Variants in SAMD5 observed in about 807,000 individuals in gnomAD.
The protein encoded by SAMD5 is sterile alpha motif domain-containing protein 5.
SAMD5 carries 13 observed loss-of-function variants against 11.3 expected under a neutral mutation model. The ratio of observed to expected loss-of-function variants is 1.15; its 90% CI spans 0.75 to 1.83. SAMD5 has a LOEUF of 1.83. Ranked by LOEUF, SAMD5 falls within the 40% of genes most tolerant of loss-of-function variation. SAMD5 has a pLI of 0.00. For synonymous variants in SAMD5, 129 were observed against 111.3 expected (o/e 1.16, Z -1.00); for missense variants, 255 against 239.1 (o/e 1.07, Z -0.44).
At chr6:147,940,202 ATTTTT>A in the SAMD5 span, among the ~76,000 whole-genome samples, 1 of 133,162 alleles carries the variant, frequency 7.5e-6, no homozygotes, top group Non-Finnish European at 1.6e-5. Context: ...GGCAGAATTC[ATTTTT>A]TTTTTTTTTT....
At chr6:147,769,931 C>T in the SAMD5 span, among the ~76,000 whole-genome samples, 1 of 152,172 alleles carries the variant, frequency 6.6e-6, no homozygotes, top group Non-Finnish European at 1.5e-5. Context: ...TCCAGTGGCG[C>T]TTGAGGAACA....
intron 1 of SAMD5, among the ~76,000 whole-genome samples, chr6:147,530,471 A>AGGGAAGCAGCC (rs1176851931): frequency 3.3e-5 from 5 of 152,248 alleles, no homozygotes; most frequent in South Asian, 2.1e-4. Flanking sequence ...AGGAGCACAA[A>AGGGAAGCAGCC]GGGAAGCAGC....
At chr6:147,817,585 G>A in the SAMD5 span, among the ~76,000 whole-genome samples, 10 of 152,204 alleles carry the variant, frequency 6.6e-5, no homozygotes, top group African/African-American at 1.9e-4. Flanking sequence ...AAAGACAGAC[G>A]CTTCGCTTTA....
chr6:147,705,615 T>C (rs1285535967), intron 1 of SAMD5, among the ~76,000 whole-genome samples: 1 of 152,200 alleles, frequency 6.6e-6, no homozygotes, highest in Non-Finnish European at 1.5e-5. Context: ...GCATTCCAAA[T>C]AGAAAACATG....
chr6:147,838,161 T>G, the SAMD5 span, among the ~76,000 whole-genome samples: 1 of 152,060 alleles, frequency 6.6e-6, no homozygotes, highest in African/African-American at 2.4e-5. Context: ...GAAATTTGAG[T>G]GACTAGAAGC....
chr6:147,893,297 A>G, the SAMD5 span, among the ~76,000 whole-genome samples: 1 of 152,078 alleles, frequency 6.6e-6, no homozygotes, highest in Non-Finnish European at 1.5e-5. Context: ...CATTTTACCT[A>G]TGAGGAAATG....
chr6:147,776,025 T>C, the SAMD5 span, among the ~76,000 whole-genome samples: 1 of 152,146 alleles, frequency 6.6e-6, no homozygotes, highest in Non-Finnish European at 1.5e-5. Context: ...GGAAACCGAG[T>C]AGTAGCAGCA....
intron 1 of SAMD5, among the ~76,000 whole-genome samples, chr6:147,605,495 C>T (rs949579565): frequency 3.3e-5 from 5 of 152,088 alleles, no homozygotes; most frequent in African/African-American, 1.2e-4. Flanking sequence ...TTGCAGTCTT[C>T]AACCTATTCT....
intron 1 of SAMD5, among the ~76,000 whole-genome samples, chr6:147,596,415 C>G (rs998668891): frequency 3.9e-5 from 6 of 152,156 alleles, no homozygotes; most frequent in Non-Finnish European, 5.9e-5. Context: ...ATTTATTAGA[C>G]CTATTAGTCT....
the SAMD5 span, among the ~76,000 whole-genome samples, chr6:147,921,273 A>AC: frequency 7.5e-6 from 1 of 133,204 alleles, no homozygotes; most frequent in African/African-American, 3.1e-5. Flanking sequence ...AGAGAGTATA[A>AC]AACACACACA....
the SAMD5 span, among the ~76,000 whole-genome samples, chr6:147,929,636 G>A: frequency 3.3e-5 from 5 of 152,298 alleles, no homozygotes; most frequent in East Asian, 7.7e-4. Context: ...AATTATGTCA[G>A]ATGGTCACAC....
At chr6:147,640,541 T>G (rs967477972) in intron 1 of SAMD5, among the ~76,000 whole-genome samples, 1 of 119,812 alleles carries the variant, frequency 8.3e-6, no homozygotes, top group Non-Finnish European at 1.9e-5. Context: ...GACATAAAAT[T>G]AAGCAGAAGT....
chr6:147,625,992 A>G (rs2128450777), intron 1 of SAMD5, among the ~76,000 whole-genome samples: 2 of 152,200 alleles, frequency 1.3e-5, no homozygotes, highest in African/African-American at 2.4e-5. Flanking sequence ...TAGCCATGCA[A>G]TGTAGTTCTG....
At chr6:147,794,866 C>A in the SAMD5 span, among the ~76,000 whole-genome samples, 1 of 151,904 alleles carries the variant, frequency 6.6e-6, no homozygotes, top group Non-Finnish European at 1.5e-5. Context: ...ATACTAATAC[C>A]GAAAGCTTTG....
intron 1 of SAMD5, among the ~76,000 whole-genome samples, chr6:147,523,489 A>G (rs1343272320): frequency 6.6e-6 from 1 of 152,200 alleles, no homozygotes; most frequent in African/African-American, 2.4e-5. Context: ...CAAGGTAACC[A>G]TCAATCATGC....
At chr6:147,821,807 T>G in the SAMD5 span, among the ~76,000 whole-genome samples, 1 of 152,198 alleles carries the variant, frequency 6.6e-6, no homozygotes, top group Non-Finnish European at 1.5e-5. Flanking sequence ...TCTGACTTTT[T>G]CATACCACAT....
chr6:147,874,965 A>C, the SAMD5 span, among the ~76,000 whole-genome samples: 15 of 152,180 alleles, frequency 9.9e-5, no homozygotes, highest in African/African-American at 3.6e-4. Flanking sequence ...AAAATGCCCA[A>C]ATGGTAAGAG....
downstream of SAMD5, among the ~76,000 whole-genome samples, chr6:147,737,864 A>T (rs1456810413): frequency 6.6e-6 from 1 of 152,026 alleles, no homozygotes; most frequent in African/African-American, 2.4e-5. Context: ...AAGCCAGGAC[A>T]TCGGTTATTT....
the SAMD5 span, among the ~76,000 whole-genome samples, chr6:147,795,833 T>A: frequency 1.3e-5 from 2 of 152,060 alleles, no homozygotes; most frequent in Non-Finnish European, 2.9e-5. Flanking sequence ...TGAGCATTTT[T>A]TCATGTGTTT....
Sources: allele counts gnomAD v4.1 joint callset (sites outside exome capture counted in the v4.1 genomes callset), GRCh38; gene constraint gnomAD v4.1.1; transcripts MANE v1.5; gene names NCBI Gene and HGNC (gene_info 2026-07-23, HGNC 2026-07-21).